The following OFD1 variants were observed in gnomAD, a reference collection of about 807,000 sequenced individuals.
OFD1 encodes OFD1 centriole and centriolar satellite protein.
In OFD1, 12 loss-of-function variants were observed where a neutral mutation model predicts 81.4. That is an observed-to-expected ratio of 0.15 (90% CI 0.09 to 0.24). The LOEUF (loss-of-function observed/expected upper bound fraction) is 0.24, where lower values mean the gene tolerates loss of function less well. Ranked by LOEUF, OFD1 falls within the 10% of genes least tolerant of loss-of-function variation. OFD1 has a pLI of 1.00. For missense variants in OFD1, 685 were observed against 733.9 expected (o/e 0.93, Z 0.77); for synonymous variants, 256 against 263.7 (o/e 0.97, Z 0.28).
chrX:13,773,175 G>T, downstream of OFD1: 1 of 432,682 alleles, frequency 2.3e-6, no homozygotes, highest in Non-Finnish European at 3.8e-6. Context: ...AGAGCTGTCA[G>T]ATCCTGAAAG....
chrX:13,717,435 G>A, the OFD1 span, among the ~76,000 whole-genome samples: 1 of 112,314 alleles, frequency 8.9e-6, no homozygotes, highest in Non-Finnish European at 1.9e-5. Context: ...TTACTCCAAT[G>A]TAGTTCTTTG....
chrX:13,754,253 T>C (rs2047616172), intron 11 of OFD1, among the ~76,000 whole-genome samples: 1 of 111,160 alleles, frequency 9.0e-6, no homozygotes, highest in African/African-American at 3.3e-5. Context: ...AGTGCTGGGA[T>C]TACAGGCGTG....
intron 7 of OFD1, 71 bp downstream of exon 7, chrX:13,746,526 A>G: frequency 9.1e-7 from 1 of 1,095,236 alleles, no homozygotes; most frequent in Non-Finnish European, 1.3e-6. Context: ...AACCATAGGT[A>G]TATGGGAAAA....
intron 13 of OFD1, among the ~76,000 whole-genome samples, chrX:13,757,289 T>A (rs1320563823): frequency 8.9e-6 from 1 of 112,071 alleles, no homozygotes; most frequent in Non-Finnish European, 1.9e-5. Flanking sequence ...CAACTGCTGC[T>A]GTCAGATGCC....
intron 11 of OFD1, among the ~76,000 whole-genome samples, chrX:13,754,174 G>T (rs1218777745): frequency 9.1e-6 from 1 of 110,307 alleles, no homozygotes; most frequent in Non-Finnish European, 1.9e-5. Context: ...GTAGAGGCGG[G>T]GTCTCAGCGT....
downstream of OFD1, chrX:13,773,146 A>G: frequency 5.3e-6 from 3 of 571,223 alleles, no homozygotes; most frequent in Admixed American, 6.7e-5. Context: ...CTGTATTAAT[A>G]AATACTCGCT....
the OFD1 span, among the ~76,000 whole-genome samples, chrX:13,726,534 C>A: frequency 9.0e-6 from 1 of 111,282 alleles, no homozygotes; most frequent in Non-Finnish European, 1.9e-5. Context: ...GAAATAAAAT[C>A]CTTTACAGAG....
chrX:13,715,874 T>A, the OFD1 span: 66 of 1,029,619 alleles, frequency 6.4e-5, no homozygotes, highest in African/African-American at 1.1e-3. Flanking sequence ...TTGCCAGAGA[T>A]AGTTCTGATG....
rs142170924 is a variant in OFD1 at position 13,740,560 on chromosome X, A to G, written c.412+1528A>G. ...GTAATCCCAGCACTTTGGGAGGGCA[A>G]ACCTGGCTGATCACTTGAGGTCAGG... On this transcript the variant is annotated intron_variant, in intron 5 of 22. Transcript: ENST00000340096. 1.1e-3 allele frequency among the ~76,000 whole-genome samples: 120 copies of G among 111,248 alleles called. No homozygotes were observed. The South Asian group carries it at 0.019, about 17-fold the overall frequency.
At chrX:13,743,788 T>C (rs1182632355) in intron 5 of OFD1, among the ~76,000 whole-genome samples, 1 of 111,568 alleles carries the variant, frequency 9.0e-6, no homozygotes, top group Non-Finnish European at 1.9e-5. Context: ...TTAAACTGAT[T>C]TGTAAGAGTT....
intron 3 of OFD1, 61 bp downstream of exon 3, chrX:13,736,739 G>A (rs2046882542): frequency 1.0e-5 from 9 of 887,596 alleles, no homozygotes; most frequent in African/African-American, 7.8e-5. Context: ...TCTGCTGACA[G>A]TAAAGTGCTG....
chrX:13,762,265 T>C (rs1487534573), intron 17 of OFD1, 79 bp from the exon 18 acceptor site: 1 of 632,766 alleles, frequency 1.6e-6, no homozygotes, highest in Non-Finnish European at 2.7e-6. Flanking sequence ...TTTTCTTGAG[T>C]CACAAAAGGC....
At chrX:13,726,008 A>G in the OFD1 span, among the ~76,000 whole-genome samples, 3 of 112,166 alleles carry the variant, frequency 2.7e-5, no homozygotes, top group Non-Finnish European at 3.8e-5. Context: ...AAAGGGTATC[A>G]GTGATTGAAG....
intron 19 of OFD1, among the ~76,000 whole-genome samples, chrX:13,765,114 A>G (rs1254153274): frequency 8.9e-6 from 1 of 112,350 alleles, no homozygotes; most frequent in Non-Finnish European, 1.9e-5. Flanking sequence ...AAAATTATTA[A>G]GCAGCATGGC....
At chrX:13,733,470 T>C (rs367758164), upstream of OFD1, among the ~76,000 whole-genome samples, 118 of 112,204 alleles carry the variant, frequency 1.1e-3, no homozygotes, top group African/African-American at 3.7e-3. Flanking sequence ...ACCCATCCTT[T>C]AAAATCCAAC....
At chrX:13,764,670 G>T (rs146545844) in intron 19 of OFD1, among the ~76,000 whole-genome samples, 1 of 112,293 alleles carries the variant, frequency 8.9e-6, no homozygotes, top group African/African-American at 3.2e-5. Context: ...CAAAACCCCT[G>T]TTAGCAGTTT....
chrX:13,762,981 G>T (rs1029827664), intron 18 of OFD1, among the ~76,000 whole-genome samples: 23 of 111,938 alleles, frequency 2.1e-4, no homozygotes, highest in Middle Eastern at 4.6e-3. Context: ...TATTGGCCAG[G>T]CTGGTCTTGA....
At chrX:13,720,161 T>C in the OFD1 span, 2 of 299,447 alleles carry the variant, frequency 6.7e-6, no homozygotes, top group African/African-American at 5.4e-5. Context: ...ATAAACAAAT[T>C]ATGTATCTAT....
chrX:13,760,067 C>G, intron 15 of OFD1, 48 bp from the exon 16 acceptor site: 1 of 1,206,502 alleles, frequency 8.3e-7, no homozygotes. Context: ...ATATTTTCTT[C>G]TCTGCCTTGT....
Sources: allele counts gnomAD v4.1 joint callset (sites outside exome capture counted in the v4.1 genomes callset), GRCh38; gene constraint gnomAD v4.1.1; transcripts MANE v1.5; gene names NCBI Gene and HGNC (gene_info 2026-07-23, HGNC 2026-07-21).